FAT1: variants seen among roughly 807,000 people sequenced by gnomAD.
The protein encoded by FAT1 is protocadherin Fat 1.
Under a neutral mutation model 329.8 loss-of-function variants are expected in FAT1, and 171 were observed. That is an observed-to-expected ratio of 0.52 (90% CI 0.46 to 0.59). The LOEUF is 0.59. FAT1 is among the 20% of genes least tolerant of loss of function. The pLI, the probability that FAT1 is intolerant of heterozygous loss-of-function variation, is 0.00. For missense variants in FAT1, 5,672 were observed against 5,774.4 expected (o/e 0.98, Z 0.57); for synonymous variants, 2,233 against 2,228.6 (o/e 1.00, Z -0.06).
chr4:186,661,611 CTT>C (rs1296299109), intron 3 of FAT1, among the ~76,000 whole-genome samples: 1 of 152,228 alleles, frequency 6.6e-6, no homozygotes, highest in Admixed American at 6.5e-5. Context: ...CCCTTGCAGA[CTT>C]TGCCCCTGTG....
Position 186,708,617 on chromosome 4 carries a change from C to T in FAT1, c.1211G>A (p.Ser404Asn), listed in dbSNP as rs2126697787. ...ACTGAATTTAGCTTTTCCAGGTGTA[C>T]TTTTAAAAACATACCTCAAATGGGA... ...AYSHLRYVFK[S>N]TPGKAKFSLN... is the part of the protein sequence containing the mutation. The change falls in exon 2 of 27, where the codon AGT becomes AAT. Residue 404 changes from serine to asparagine, a missense_variant. This residue lies in a region of FAT1 where 3,966 missense variants were observed against 3,915.2 expected (regional missense o/e 1.01). Coordinates refer to ENST00000441802, the MANE Select transcript of FAT1 (RefSeq NM_005245.4). The T allele has an allele frequency of 6.2e-7, 1 of 1,613,910 alleles. No individual in the cohort carries two copies. Among genetic ancestry groups the T allele is most frequent in the Non-Finnish European group, 8.5e-7 (1 of 1,179,876 alleles).
intron 2 of FAT1, among the ~76,000 whole-genome samples, chr4:186,695,485 T>C (rs1560998829): frequency 6.6e-6 from 1 of 152,178 alleles, no homozygotes; most frequent in Non-Finnish European, 1.5e-5. Flanking sequence ...AGAGCAGCCT[T>C]AACTATATTA....
chr4:186,663,521 A>G lies in FAT1; in HGVS notation c.3358T>C (p.Ser1120Pro), dbSNP rs2126618126. The G allele has an allele frequency of 6.2e-7, 1 of 1,613,276 alleles. No homozygotes were observed. Among genetic ancestry groups the G allele is most frequent in the Non-Finnish European group, 8.5e-7 (1 of 1,179,686 alleles). Residue 1120 changes from serine (S) to proline (P), a missense_variant, in exon 3 of 27, where the codon TCA (serine) becomes CCA (proline). This residue lies in a region of FAT1 where 3,966 missense variants were observed against 3,915.2 expected (regional missense o/e 1.01). Transcript: ENST00000441802. ...FATDQGVVPL[S>P]SFIEIYIEVE... ...TCTATGTAGATCTCTATGAACGATG[A>G]AAGAGGCACGACACCCTGATCGGTT... is the stretch of plus-strand genomic sequence containing the variant.
At chr4:186,606,300 G>GTA in intron 16 of FAT1, 87 bp from the exon 17 acceptor site, 4 of 1,444,868 alleles carry the variant, frequency 2.8e-6, no homozygotes, top group Non-Finnish European at 3.8e-6. Context: ...AGTCCTGACG[G>GTA]GCAGGTCCCA....
At chr4:186,655,311 A>T (rs139346147) in intron 3 of FAT1, among the ~76,000 whole-genome samples, 2,613 of 152,324 alleles carry the variant, frequency 0.017, 22 homozygotes, top group Non-Finnish European at 0.025. Context: ...GATGAATGAG[A>T]AGAGGTAAAA....
chr4:186,609,851 A>T lies in FAT1; in HGVS notation c.10018T>A (p.Tyr3340Asn), dbSNP rs966354438. The change falls in exon 15 of 27, where the codon TAC (tyrosine) becomes AAC (asparagine). Residue 3340 changes from tyrosine to asparagine, a missense_variant. Physicochemically the swap from Tyr to Asn is moderately radical, Grantham distance 143 (BLOSUM62 -2). Coordinates refer to ENST00000441802, the MANE Select transcript of FAT1 (RefSeq NM_005245.4). ...DNTPVFSQDT[Y>N]TTVISEDAVL... is the part of the protein sequence containing the mutation. ...GCATCTTCACTGATGACTGTCGTGT[A>T]GGTGTCTTGGCTGAACACAGGGGTA... 1.2e-6 allele frequency: 2 copies of T among 1,613,860 alleles called. No homozygotes were observed. Among genetic ancestry groups the T allele is most frequent in the Non-Finnish European group, 1.7e-6 (2 of 1,179,750 alleles).
Position 186,636,738 on chromosome 4 carries a change from G to A in FAT1, c.3819C>T (p.His1273=), listed in dbSNP as rs757011697. Residue 1273 remains histidine (H), a synonymous_variant, in exon 5 of 27, where the codon CAC becomes CAT. Transcript: ENST00000441802. ...CCTCATCCTTGTCGGTGGCTATGAC[G>A]TGATAGAGCGGCTCCCGTCTGGCAT... ...ERNARREPLY[H]VIATDKDEGP... The A allele has an allele frequency of 2.2e-5, 35 of 1,613,648 alleles. No individual in the cohort carries two copies. The highest frequency in any genetic ancestry group is 3.3e-4 in the Middle Eastern group (2 of 6,084).
At chr4:186,675,702 A>C (rs1299856780) in intron 2 of FAT1, among the ~76,000 whole-genome samples, 1 of 151,766 alleles carries the variant, frequency 6.6e-6, no homozygotes, top group Non-Finnish European at 1.5e-5. Flanking sequence ...TGACCACACC[A>C]CTGCATTCCA....
intron 25 of FAT1, 96 bp from the exon 26 acceptor site, chr4:186,595,922 C>T (rs1056003589): frequency 6.4e-6 from 8 of 1,241,570 alleles, no homozygotes; most frequent in South Asian, 5.6e-5. Context: ...CAACGATGGC[C>T]TGAGATTTAC....
rs145997439 is a variant in FAT1, at chr4:186,673,869, C to T, written c.3266-10256G>A. Among the ~76,000 whole-genome samples the T allele has an allele frequency of 1.6e-3, 244 of 152,168 alleles. 1 individual carries two copies. The highest frequency in any genetic ancestry group is 5.5e-3 in the African/African-American group (227 of 41,460). On this transcript the variant is annotated intron_variant, in intron 2 of 26. Transcript: ENST00000441802. Reference sequence around the variant, plus strand: ...CAAGTTCTGACTTCCCTGTCAGAATCACTGATATTGTCAATGACGGCTTTT... The same window carrying T: ...CAAGTTCTGACTTCCCTGTCAGAATTACTGATATTGTCAATGACGGCTTTT...
chr4:186,622,103 TTGAG>T (rs1295498086), intron 9 of FAT1, among the ~76,000 whole-genome samples: 51 of 152,208 alleles, frequency 3.4e-4, no homozygotes, highest in African/African-American at 1.2e-3. Context: ...CACAAAGCAG[TTGAG>T]TGAGTCACTT....
intron 2 of FAT1, among the ~76,000 whole-genome samples, chr4:186,668,499 G>A (rs1291141174): frequency 1.3e-5 from 2 of 152,198 alleles, no homozygotes; most frequent in Non-Finnish European, 2.9e-5. Context: ...CTAAACAGGT[G>A]TAGTTCAGAA....
Position 186,599,949 on chromosome 4 carries a change from C to A in FAT1, c.12052G>T (p.Ala4018Ser), listed in dbSNP as rs183364307. Residue 4018 changes from alanine to serine, a missense_variant, in exon 22 of 27, where the codon GCC becomes TCC. This residue lies in a region of FAT1 where 1,706 missense variants were observed against 1,859.1 expected (regional missense o/e 0.92). Coordinates refer to ENST00000441802, the MANE Select transcript of FAT1 (RefSeq NM_005245.4). ...GCFLTATEDCASNPCQNGGVC... is the reference protein window; with the variant it reads ...GCFLTATEDCSSNPCQNGGVC... ...CCTCCATTCTGGCAAGGGTTGCTGGCGCAGTCTTCCGTGGCCGTCAGGAAG... is the reference window on the plus strand; with the variant it reads ...CCTCCATTCTGGCAAGGGTTGCTGGAGCAGTCTTCCGTGGCCGTCAGGAAG... 1.2e-6 allele frequency: 2 copies of A among 1,613,894 alleles called. No homozygotes were observed. Among genetic ancestry groups the A allele is most frequent in the East Asian group, 4.5e-5 (2 of 44,872 alleles).
chr4:186,675,396 G>A (rs896552384), intron 2 of FAT1, among the ~76,000 whole-genome samples: 1 of 151,988 alleles, frequency 6.6e-6, no homozygotes, highest in African/African-American at 2.4e-5. Flanking sequence ...GAACCCAGGA[G>A]GCGGAGGTTG....
chr4:186,604,934 C>T (rs1304326207), intron 17 of FAT1, among the ~76,000 whole-genome samples: 3 of 151,154 alleles, frequency 2.0e-5, no homozygotes, highest in Non-Finnish European at 4.4e-5. Flanking sequence ...AAGGAAGAGA[C>T]GAGGCCAGGC....
At position 186,603,418 on chromosome 4, in the gene FAT1, C is replaced by T. The variant is rs1314390785; in HGVS notation, c.11108G>A (p.Ser3703Asn). 5.0e-6 allele frequency: 8 copies of T among 1,613,894 alleles called. No homozygotes were observed. The highest frequency in any genetic ancestry group is 6.8e-6 in the Non-Finnish European group (8 of 1,179,912). Residue 3703 changes from serine to asparagine, a missense_variant, in exon 19 of 27, where the codon AGT (serine) becomes AAT (asparagine). Physicochemically the swap from Ser to Asn is conservative, Grantham distance 46. Coordinates refer to ENST00000441802, the MANE Select transcript of FAT1 (RefSeq NM_005245.4). Reference protein sequence around the residue: ...DVLLFVEKPGSAQISTKQLLH... With the variant: ...DVLLFVEKPGNAQISTKQLLH... ...AAGTTGTTTTGTTGAGATCTGAGCA[C>T]TACCTGGTTTCTCTACAAAAAGTAA...
In FAT1 at chr4:186,603,725, C is replaced by T. The variant is rs545491861; in HGVS notation, c.10801G>A (p.Ala3601Thr). Reference sequence around the variant, plus strand: ...TGCCCTATGTCTAGCTTTTTGTGTGCTATCAGCTTGCCCCCTGTGCTGGAA... The same window carrying T: ...TGCCCTATGTCTAGCTTTTTGTGTGTTATCAGCTTGCCCCCTGTGCTGGAA... ...SVSSTGGKLI[A>T]HKKLDIGQYL... Residue 3601 changes from alanine (A) to threonine (T), a missense_variant, in exon 19 of 27, where the codon GCA becomes ACA. Ala to Thr is a moderately conservative substitution (Grantham distance 58). This residue lies in a region of FAT1 where 1,706 missense variants were observed against 1,859.1 expected (regional missense o/e 0.92). Transcript: ENST00000441802. The T allele has an allele frequency of 9.3e-6, 15 of 1,613,958 alleles. No homozygotes were observed. In the Admixed American group the frequency reaches 1.5e-4, roughly 16 times the overall value.
In FAT1 at chr4:186,636,241, A is replaced by G. The variant is rs2126561616; in HGVS notation, c.3973-6T>C. 1 of 1,613,294 alleles carries G rather than the reference A, an allele frequency of 6.2e-7. No homozygotes were observed. Among genetic ancestry groups the G allele is most frequent in the Non-Finnish European group, 8.5e-7 (1 of 1,179,230 alleles). On this transcript the variant is annotated splice_polypyrimidine_tract_variant and splice_region_variant and intron_variant, in intron 5 of 26. Transcript: ENST00000441802. ...CCATTGTCAACTGCCTTAATCTACA[A>G]CATTTGGGCAGAGGGGATTAAAAAC...
chr4:186,724,016 G>A (rs1405044666), upstream of FAT1, among the ~76,000 whole-genome samples: 1 of 151,170 alleles, frequency 6.6e-6, no homozygotes, highest in Non-Finnish European at 1.5e-5. The surrounding 1 kb of genome is among the most constrained non-coding windows in gnomAD (Gnocchi z 5.3). Context: ...CAGTCCCTGC[G>A]AACACCAGGT....
Sources: allele counts gnomAD v4.1 joint callset (sites outside exome capture counted in the v4.1 genomes callset), GRCh38; gene constraint gnomAD v4.1.1; regional missense constraint gnomAD v4.1.1; non-coding constraint Gnocchi (gnomAD v3.1); transcripts MANE v1.5; gene names NCBI Gene and HGNC (gene_info 2026-07-23, HGNC 2026-07-21).